RHOA: variants seen among roughly 807,000 people sequenced by gnomAD.
RHOA encodes the protein transforming protein RhoA.
Under a neutral mutation model 17.5 loss-of-function variants are expected in RHOA, and 3 were observed. The observed-to-expected ratio is 0.17, with a 90% CI of 0.08 to 0.44. RHOA has a LOEUF of 0.44. RHOA is among the 20% of genes least tolerant of loss of function. The pLI is 0.99. For missense variants in RHOA, 56 were observed against 242.3 expected (o/e 0.23, Z 5.10); for synonymous variants, 98 against 88.4 (o/e 1.11, Z -0.61).
intron 1 of RHOA, among the ~76,000 whole-genome samples, chr3:49,386,978 A>C (rs2048405806): frequency 6.6e-6 from 1 of 151,532 alleles, no homozygotes; most frequent in African/African-American, 2.4e-5. Flanking sequence ...TTAGCCAGGC[A>C]TGGTGGCGGG....
intron 1 of RHOA, among the ~76,000 whole-genome samples, chr3:49,402,744 TAAAA>T (rs763158220): frequency 4.0e-5 from 6 of 151,738 alleles, no homozygotes; most frequent in South Asian, 2.1e-4. Flanking sequence ...AAAACTAGTC[TAAAA>T]AACTTTAGGC....
At chr3:49,379,661 C>T (rs951047206) in intron 1 of RHOA, among the ~76,000 whole-genome samples, 1 of 152,090 alleles carries the variant, frequency 6.6e-6, no homozygotes, top group Non-Finnish European at 1.5e-5. Context: ...ACTAAAGGTG[C>T]ATGCCACCAC....
At chr3:49,410,519 T>C (rs2048914831) in intron 1 of RHOA, among the ~76,000 whole-genome samples, 1 of 152,228 alleles carries the variant, frequency 6.6e-6, no homozygotes, top group South Asian at 2.1e-4. Context: ...CAAAAGTAGA[T>C]GGAACCAATT....
intron 1 of RHOA, among the ~76,000 whole-genome samples, chr3:49,376,226 TGGAAA>T (rs1199732151): frequency 6.6e-6 from 1 of 152,060 alleles, no homozygotes; most frequent in African/African-American, 2.4e-5. Flanking sequence ...ACATCCAAAT[TGGAAA>T]GGAAGAAGTA....
rs368662072 is a variant in RHOA at position 49,377,052 on chromosome 3, C to A, written c.-2-1461G>T. Among the ~76,000 whole-genome samples the A allele has an allele frequency of 1.2e-4, 18 of 152,194 alleles. No individual in the cohort carries two copies. The East Asian group carries it at 2.5e-3, about 21-fold the overall frequency. Reference sequence around the variant, plus strand: ...AAGAGGCAGGAGAATCGCTTGAACCCGGGAGGCAGAGGTTGTGGTGAGCCG... The same window carrying A: ...AAGAGGCAGGAGAATCGCTTGAACCAGGGAGGCAGAGGTTGTGGTGAGCCG... On this transcript the variant is annotated intron_variant, in intron 1 of 4. Coordinates refer to ENST00000418115, the MANE Select transcript of RHOA (RefSeq NM_001664.4).
intron 1 of RHOA, among the ~76,000 whole-genome samples, chr3:49,408,988 G>T (rs1050052375): frequency 3.3e-5 from 5 of 151,552 alleles, no homozygotes; most frequent in African/African-American, 9.7e-5. Flanking sequence ...TAGAGACGGG[G>T]TTTCACCGTG....
chr3:49,397,586 T>C (rs1003569507), intron 1 of RHOA, among the ~76,000 whole-genome samples: 4 of 152,140 alleles, frequency 2.6e-5, no homozygotes, highest in Non-Finnish European at 5.9e-5. Context: ...TTCCCCTTCA[T>C]AGTCACATGG....
chr3:49,384,514 A>AT lies in RHOA; in HGVS notation c.-2-8924dup, dbSNP rs962336401. Among the ~76,000 whole-genome samples the AT allele has an allele frequency of 5.7e-3, 832 of 147,100 alleles. 11 individuals are homozygous for AT. Among genetic ancestry groups the AT allele is most frequent in the African/African-American group, 0.018 (736 of 40,466 alleles). ...AACAGTATTTCTTTTACAACTTTTAATTTTTTTTTTTTGAGACAGGGTCTC... is the reference window on the plus strand; with the variant it reads ...AACAGTATTTCTTTTACAACTTTTAATTTTTTTTTTTTTGAGACAGGGTCTC... On this transcript the variant is annotated intron_variant, in intron 1 of 4. Transcript: ENST00000418115.
rs1274611500 is a variant in RHOA, at chr3:49,359,701, A to T, written c.*508T>A. The T allele has an allele frequency of 4.5e-6, 1 of 222,460 alleles. No individual in the cohort carries two copies. Among genetic ancestry groups the T allele is most frequent in the Non-Finnish European group, 9.0e-6 (1 of 111,118 alleles). The allele number at this position is 222,460 out of a possible 1,614,324, so 13.8% of individuals were successfully genotyped here. On this transcript the variant is annotated 3_prime_UTR_variant, in exon 5 of 5. Transcript: ENST00000418115. ...AAGGTAACTAACATGAAACCACAGA[A>T]CTGTAACTCTGCCACAGCTGCATGA... is the stretch of plus-strand genomic sequence containing the variant.
intron 1 of RHOA, among the ~76,000 whole-genome samples, chr3:49,379,792 A>G (rs1304434517): frequency 6.6e-6 from 1 of 152,238 alleles, no homozygotes; most frequent in Non-Finnish European, 1.5e-5. Context: ...TTGGGATTAC[A>G]GGCGTGAGCC....
At chr3:49,380,350 T>C (rs541899201) in intron 1 of RHOA, among the ~76,000 whole-genome samples, 44 of 152,236 alleles carry the variant, frequency 2.9e-4, no homozygotes, top group African/African-American at 9.9e-4. Flanking sequence ...GAGAAATAAA[T>C]GACTGTCTTA....
intron 3 of RHOA, among the ~76,000 whole-genome samples, chr3:49,364,748 G>A (rs956208524): frequency 2.0e-5 from 3 of 152,050 alleles, no homozygotes; most frequent in Admixed American, 6.6e-5. Context: ...TTGGGAGGCC[G>A]AGGCAGGTGG....
chr3:49,397,174 G>T (rs1177291021), intron 1 of RHOA, among the ~76,000 whole-genome samples: 1 of 150,434 alleles, frequency 6.6e-6, no homozygotes, highest in Non-Finnish European at 1.5e-5. Context: ...TTACAACATG[G>T]ATGAACCTTT....
intron 2 of RHOA, among the ~76,000 whole-genome samples, chr3:49,372,799 C>G (rs941079117): frequency 6.6e-6 from 1 of 150,696 alleles, no homozygotes; most frequent in African/African-American, 2.4e-5. Flanking sequence ...CAGTATTCAT[C>G]TCTTAGAAAG....
intron 1 of RHOA, among the ~76,000 whole-genome samples, chr3:49,390,587 C>G (rs1353244956): frequency 3.3e-5 from 5 of 152,100 alleles, no homozygotes; most frequent in Admixed American, 3.3e-4. Flanking sequence ...TAATTCACAC[C>G]TTACTTGGGA....
At chr3:49,364,877 CAGA>C (rs1311016732) in intron 3 of RHOA, among the ~76,000 whole-genome samples, 4 of 151,606 alleles carry the variant, frequency 2.6e-5, no homozygotes, top group Admixed American at 6.6e-5. Context: ...GAGGCTGAGG[CAGA>C]AGAAGTGCTT....
At chr3:49,394,959 G>C (rs1050703035) in intron 1 of RHOA, among the ~76,000 whole-genome samples, 3 of 152,020 alleles carry the variant, frequency 2.0e-5, no homozygotes, top group Non-Finnish European at 4.4e-5. Flanking sequence ...AGTAACACAA[G>C]AATTTGGCGG....
chr3:49,408,886 G>C (rs551708149), intron 1 of RHOA, among the ~76,000 whole-genome samples: 5 of 151,450 alleles, frequency 3.3e-5, no homozygotes, highest in Non-Finnish European at 2.9e-5. Context: ...TCCGCCTCTC[G>C]GGTTCACGCC....
At chr3:49,378,303 G>A (rs185347480) in intron 1 of RHOA, among the ~76,000 whole-genome samples, 2 of 122,826 alleles carry the variant, frequency 1.6e-5, no homozygotes, top group Non-Finnish European at 3.2e-5. Context: ...CTGGAATGCA[G>A]TGGCGTGATC....
Sources: gnomAD v4.1 joint callset for allele counts (sites outside exome capture counted in the v4.1 genomes callset) on GRCh38, gnomAD v4.1.1 for gene constraint, MANE v1.5 for transcripts, NCBI Gene and HGNC (gene_info 2026-07-23, HGNC 2026-07-21) for gene names.